KCNMA1: variants seen among roughly 807,000 people sequenced by gnomAD.
KCNMA1 encodes the protein potassium calcium-activated channel subfamily M alpha 1.
Under a neutral mutation model 140.0 loss-of-function variants are expected in KCNMA1, and 29 were observed. The ratio of observed to expected loss-of-function variants is 0.21; its 90% CI spans 0.15 to 0.28. The LOEUF (loss-of-function observed/expected upper bound fraction) is 0.28. KCNMA1 is among the 10% of genes least tolerant of loss of function. The pLI is 1.00. For missense variants in KCNMA1, 880 were observed against 1,602.2 expected, an observed-to-expected ratio of 0.55 and a Z score of 7.70; for synonymous variants, 612 against 611.9, an observed-to-expected ratio of 1.00 and a Z score of 0.00.
At chr10:77,045,297 G>A (rs1358818285) in intron 14 of KCNMA1, among the ~76,000 whole-genome samples, 1 of 152,214 alleles carries the variant, frequency 6.6e-6, no homozygotes, top group Non-Finnish European at 1.5e-5. Flanking sequence ...ATCAGTCAAA[G>A]GCAGAGCATT....
chr10:77,416,612 T>C (rs1273274802), intron 1 of KCNMA1, among the ~76,000 whole-genome samples: 2 of 152,110 alleles, frequency 1.3e-5, no homozygotes, highest in Non-Finnish European at 2.9e-5. Flanking sequence ...CCGAGAGCAA[T>C]GTAAGTCACA....
At position 77,172,167 on chromosome 10, in the gene KCNMA1, T is replaced by C. The variant is rs530494960; in HGVS notation, c.808+11254A>G. Among the ~76,000 whole-genome samples the C allele has an allele frequency of 6.6e-5, 10 of 152,286 alleles. No homozygotes were observed. The South Asian group carries it at 1.7e-3, about 25-fold the overall frequency. On this transcript the variant is annotated intron_variant, in intron 5 of 27. Coordinates refer to ENST00000286628, the MANE Select transcript of KCNMA1 (RefSeq NM_001161352.2). Reference sequence around the variant, plus strand: ...GGAAAAGAATCAAGGCATCTATTTTTTGAAGATGATGTGAAGGTAAATATA... The same window carrying C: ...GGAAAAGAATCAAGGCATCTATTTTCTGAAGATGATGTGAAGGTAAATATA...
At chr10:77,563,530 C>A (rs2067095258) in intron 1 of KCNMA1, among the ~76,000 whole-genome samples, 1 of 152,160 alleles carries the variant, frequency 6.6e-6, no homozygotes, top group Non-Finnish European at 1.5e-5. Context: ...CTCTCTTCTA[C>A]CCCGTCCCTC....
intron 1 of KCNMA1, among the ~76,000 whole-genome samples, chr10:77,433,222 C>T (rs539135503): frequency 5.3e-5 from 8 of 152,192 alleles, no homozygotes; most frequent in South Asian, 2.1e-4. Context: ...CTATGATCTC[C>T]GCTCACTGCA....
chr10:77,513,315 G>A (rs148479647), intron 1 of KCNMA1, among the ~76,000 whole-genome samples: 184 of 152,284 alleles, frequency 1.2e-3, no homozygotes, highest in African/African-American at 4.2e-3. Flanking sequence ...TCTCCTCGGA[G>A]AGGCTTTTCC....
At chr10:77,264,263 C>T (rs568427747) in intron 2 of KCNMA1, among the ~76,000 whole-genome samples, 1 of 152,278 alleles carries the variant, frequency 6.6e-6, no homozygotes, top group East Asian at 1.9e-4. Flanking sequence ...CCCTCTAGCA[C>T]AGGGGACCTA....
intron 14 of KCNMA1, among the ~76,000 whole-genome samples, chr10:77,061,691 C>A (rs546062011): frequency 9.2e-5 from 14 of 152,190 alleles, no homozygotes; most frequent in Non-Finnish European, 1.8e-4. Flanking sequence ...TATATCCACA[C>A]AAACTTCCAT....
chr10:77,413,049 G>C (rs540226963), intron 1 of KCNMA1, among the ~76,000 whole-genome samples: 5 of 151,978 alleles, frequency 3.3e-5, no homozygotes, highest in South Asian at 2.1e-4. Context: ...GTACAGACAG[G>C]GTTTCACCAT....
intron 3 of KCNMA1, among the ~76,000 whole-genome samples, chr10:77,193,651 C>T (rs991560832): frequency 4.3e-4 from 65 of 152,248 alleles, no homozygotes; most frequent in African/African-American, 1.5e-3. Context: ...TGGGTGGGCA[C>T]CCACACAACG....
chr10:76,961,817 G>T (rs915396781), intron 20 of KCNMA1, among the ~76,000 whole-genome samples: 2 of 152,138 alleles, frequency 1.3e-5, no homozygotes, highest in African/African-American at 2.4e-5. Flanking sequence ...TTTAATGAAG[G>T]TATGTACACA....
chr10:77,400,451 G>A (rs756523404), intron 2 of KCNMA1, among the ~76,000 whole-genome samples: 5 of 152,198 alleles, frequency 3.3e-5, no homozygotes, highest in African/African-American at 4.8e-5. Flanking sequence ...GCATCCTCAG[G>A]ACCAAATTGG....
rs752766663 is a variant in KCNMA1, at chr10:76,940,998, A to AAAGGAAGG, written c.2902+3767_2902+3774dup. ...GAAAGAAAGAGAGAAAGAGAGAAAG[A>AAAGGAAGG]AAGGAAGGAAGGAAGGAAGGAAGAA... On this transcript the variant is annotated intron_variant, in intron 23 of 27. Coordinates refer to ENST00000286628, the MANE Select transcript of KCNMA1 (RefSeq NM_001161352.2). Among the ~76,000 whole-genome samples, 363 of 63,224 alleles carry AAAGGAAGG rather than the reference A, an allele frequency of 5.7e-3. 4 individuals carry two copies. Among genetic ancestry groups the AAAGGAAGG allele is most frequent in the Middle Eastern group, 0.031 (5 of 162 alleles). The allele number at this position is 63,224 out of a possible 152,430, so 41.5% of individuals were successfully genotyped here. A position where few individuals can be genotyped will look rare whatever the true frequency, so the allele number is the denominator to read the frequency against.
chr10:76,976,504 C>T (rs1349667613), intron 19 of KCNMA1, among the ~76,000 whole-genome samples: 1 of 152,172 alleles, frequency 6.6e-6, no homozygotes, highest in Non-Finnish European at 1.5e-5. Flanking sequence ...CTACAAAATA[C>T]TGCGGGCCTA....
intron 14 of KCNMA1, among the ~76,000 whole-genome samples, chr10:77,061,735 C>T (rs1387276358): frequency 2.0e-5 from 3 of 152,096 alleles, no homozygotes; most frequent in East Asian, 1.9e-4. Flanking sequence ...TCATGATCGC[C>T]CCAACTGGAG....
In KCNMA1 at chr10:77,637,531, C is replaced by G. The variant is rs767099267; in HGVS notation, c.112G>C (p.Ala38Pro). ...NIHANHLSLD[A>P]SSSSSSSSSS... ...GAGGAGGAGGAGGAGGAGGAGGACGCGTCTAGGCTGAGATGGTTCGCGTGG... is the reference window on the plus strand; with the variant it reads ...GAGGAGGAGGAGGAGGAGGAGGACGGGTCTAGGCTGAGATGGTTCGCGTGG... Residue 38 changes from alanine to proline, a missense_variant, in exon 1 of 28, where the codon GCG becomes CCG. Ala to Pro is a conservative substitution (Grantham distance 27). Transcript: ENST00000286628. 6.5e-7 allele frequency: 1 copy of G among 1,544,332 alleles called. No homozygotes were observed. The highest frequency in any genetic ancestry group is 8.8e-7 in the Non-Finnish European group (1 of 1,136,308).
At chr10:77,107,747 C>T (rs1043526227) in intron 9 of KCNMA1, among the ~76,000 whole-genome samples, 6 of 152,150 alleles carry the variant, frequency 3.9e-5, no homozygotes, top group Non-Finnish European at 1.5e-5. Flanking sequence ...CTATTTCTTG[C>T]CCGGAAGGAA....
At chr10:77,159,175 C>G (rs1453111777) in intron 5 of KCNMA1, among the ~76,000 whole-genome samples, 2 of 152,188 alleles carry the variant, frequency 1.3e-5, no homozygotes, top group Non-Finnish European at 2.9e-5. Context: ...CATCCAATGT[C>G]TGAGAGAGCT....
intron 20 of KCNMA1, among the ~76,000 whole-genome samples, chr10:76,968,319 A>G (rs577121700): frequency 6.6e-6 from 1 of 152,286 alleles, no homozygotes; most frequent in Non-Finnish European, 1.5e-5. Context: ...CAGAATAAAG[A>G]AGTACCCTTA....
rs192001537 is a variant in KCNMA1, at chr10:77,323,739, C to T, written c.541-72483G>A. ...CATTTTCTACTTCTCTCTCCTGCCTCCTGTATCACTATAAACCCTAGCAGT... is the reference window on the plus strand; with the variant it reads ...CATTTTCTACTTCTCTCTCCTGCCTTCTGTATCACTATAAACCCTAGCAGT... On this transcript the variant is annotated intron_variant, in intron 2 of 27. Coordinates refer to ENST00000286628, the MANE Select transcript of KCNMA1 (RefSeq NM_001161352.2). Among the ~76,000 whole-genome samples, 25 of 152,348 alleles carry T rather than the reference C, an allele frequency of 1.6e-4. No homozygotes were observed. In the East Asian group the frequency reaches 4.8e-3, roughly 29 times the overall value.
Sources: allele counts gnomAD v4.1 joint callset (sites outside exome capture counted in the v4.1 genomes callset), GRCh38; gene constraint gnomAD v4.1.1; transcripts MANE v1.5; gene names NCBI Gene and HGNC (gene_info 2026-07-23, HGNC 2026-07-21).